ATIC: variants seen among roughly 807,000 people sequenced by gnomAD.
ATIC encodes bifunctional purine biosynthesis protein ATIC.
Under a neutral mutation model 72.5 loss-of-function variants are expected in ATIC, and 64 were observed. That is an observed-to-expected ratio of 0.88 (90% CI 0.72 to 1.09). The LOEUF is 1.09. Ranked by LOEUF, ATIC falls within the 50% of genes least tolerant of loss-of-function variation. The pLI, the probability that ATIC is intolerant of heterozygous loss-of-function variation, is 0.00. For missense variants in ATIC, 787 were observed against 732.4 expected (o/e 1.07, Z -0.86); for synonymous variants, 281 against 267.1 (o/e 1.05, Z -0.51).
downstream of ATIC, among the ~76,000 whole-genome samples, chr2:215,354,123 G>A (rs1165113552): frequency 6.6e-6 from 1 of 152,046 alleles, no homozygotes; most frequent in Non-Finnish European, 1.5e-5. Context: ...TGCCTCCATG[G>A]TTCAAGCGAT....
the ATIC span, chr2:215,364,441 C>G: frequency 1.5e-5 from 4 of 265,184 alleles, no homozygotes; most frequent in African/African-American, 8.8e-5. Context: ...GGGAGGGTCT[C>G]AGGCTGCCCA....
At position 215,333,425 on chromosome 2, in the gene ATIC, C is replaced by G. The variant is rs1433280290; in HGVS notation, c.890C>G (p.Thr297Arg). 1 of 1,614,102 alleles carries G rather than the reference C, an allele frequency of 6.2e-7. No homozygotes were observed. Among genetic ancestry groups the G allele is most frequent in the East Asian group, 2.2e-5 (1 of 44,874 alleles). ...CMVYDLYKTL[T>R]PISAAYARAR... ...GTTTATGATCTCTATAAAACCCTCA[C>G]ACCCATCTCAGCGGCATATGCAAGA... is the stretch of plus-strand genomic sequence containing the variant. The change falls in exon 9 of 16, where the codon ACA (threonine) becomes AGA (arginine). Residue 297 changes from threonine (T) to arginine (R), a missense_variant. Coordinates refer to ENST00000236959, the MANE Select transcript of ATIC (RefSeq NM_004044.7).
chr2:215,326,266 G>A, intron 6 of ATIC, 128 bp downstream of exon 6: 2 of 1,216,118 alleles, frequency 1.6e-6, no homozygotes, highest in East Asian at 2.4e-5. Context: ...CTATCCTTTT[G>A]TTAAAAATGG....
chr2:215,329,504 T>A (rs890454554), intron 7 of ATIC, among the ~76,000 whole-genome samples: 1 of 152,182 alleles, frequency 6.6e-6, no homozygotes, highest in Admixed American at 6.5e-5. Context: ...TCATGTGGTT[T>A]GAGTATTTGG....
intron 12 of ATIC, among the ~76,000 whole-genome samples, chr2:215,343,528 G>C (rs1229613218): frequency 1.3e-5 from 2 of 152,122 alleles, no homozygotes; most frequent in African/African-American, 2.4e-5. Flanking sequence ...GTAGAGATGG[G>C]GTTCACCATG....
At chr2:215,353,485 C>T (rs1237755131), downstream of ATIC, among the ~76,000 whole-genome samples, 1 of 152,148 alleles carries the variant, frequency 6.6e-6, no homozygotes, top group African/African-American at 2.4e-5. Context: ...CCAGTTTCTC[C>T]TCTTGTGTTA....
At chr2:215,360,891 G>GTTGTC in the ATIC span, 1 of 152,600 alleles carries the variant, frequency 6.6e-6, no homozygotes, top group African/African-American at 2.4e-5. Context: ...TATTAAAACA[G>GTTGTC]TTGTCTTTCC....
chr2:215,343,076 CT>C (rs1234836567), intron 12 of ATIC, among the ~76,000 whole-genome samples: 1 of 151,850 alleles, frequency 6.6e-6, no homozygotes, highest in African/African-American at 2.4e-5. Flanking sequence ...TCCAGAGTGG[CT>C]TGTACCATTT....
rs2053105755 is a variant in ATIC at position 215,349,217 on chromosome 2, C to T, written c.1627C>T (p.Pro543Ser). The T allele has an allele frequency of 1.2e-6, 2 of 1,614,046 alleles. No individual in the cohort carries two copies. The highest frequency in any genetic ancestry group is 1.3e-5 in the African/African-American group (1 of 75,010). Residue 543 changes from proline to serine, a missense_variant, in exon 15 of 16, where the codon CCT becomes TCT. Coordinates refer to ENST00000236959, the MANE Select transcript of ATIC (RefSeq NM_004044.7). ...TTCTATCAGCTCTGATGCCTTCTTC[C>T]CTTTCCGAGATAACGTAGACAGAGC... Reference protein sequence around the residue: ...EVSISSDAFFPFRDNVDRAKR... With the variant: ...EVSISSDAFFSFRDNVDRAKR...
At chr2:215,325,415 G>A in intron 5 of ATIC, 86 bp downstream of exon 5, 2 of 1,012,058 alleles carry the variant, frequency 2.0e-6, no homozygotes, top group Non-Finnish European at 3.1e-6. Context: ...TTATTACTGA[G>A]GAAATAGAAA....
intron 14 of ATIC, among the ~76,000 whole-genome samples, chr2:215,348,380 C>T (rs1005248001): frequency 6.6e-6 from 1 of 151,950 alleles, no homozygotes; most frequent in Non-Finnish European, 1.5e-5. Flanking sequence ...ACAGTAGTAC[C>T]AAAGCAGTAG....
intron 4 of ATIC, among the ~76,000 whole-genome samples, chr2:215,320,986 C>T (rs2052760780): frequency 2.0e-5 from 3 of 152,190 alleles, no homozygotes; most frequent in Non-Finnish European, 2.9e-5. Flanking sequence ...ACCCAATCAT[C>T]TCCCACCAGG....
chr2:215,339,471 G>T (rs182556893), intron 12 of ATIC, among the ~76,000 whole-genome samples: 196 of 152,248 alleles, frequency 1.3e-3, no homozygotes, highest in African/African-American at 4.5e-3. Context: ...AGCCGTGTTT[G>T]TGCCACTGCA....
intron 14 of ATIC, among the ~76,000 whole-genome samples, chr2:215,348,247 C>G (rs1454824942): frequency 6.6e-6 from 1 of 152,170 alleles, no homozygotes; most frequent in Non-Finnish European, 1.5e-5. Context: ...CTACAACTGC[C>G]TTTACATTTA....
At chr2:215,329,178 T>G (rs1248904166) in intron 7 of ATIC, among the ~76,000 whole-genome samples, 1 of 152,230 alleles carries the variant, frequency 6.6e-6, no homozygotes. Flanking sequence ...TTCTTGAAAC[T>G]GATTTGTCTG....
chr2:215,315,795 A>T (rs1301250657), intron 2 of ATIC, among the ~76,000 whole-genome samples: 1 of 151,930 alleles, frequency 6.6e-6, no homozygotes, highest in Non-Finnish European at 1.5e-5. Flanking sequence ...TGCTAAAAAT[A>T]CAAAAAAGAA....
rs2052661924 is a variant in ATIC, at chr2:215,312,337, C to T, written c.20-161C>T. On this transcript the variant is annotated intron_variant, in intron 1 of 15. Coordinates refer to ENST00000236959, the MANE Select transcript of ATIC (RefSeq NM_004044.7). ...GCGTGGGGCCCGCCTTAGAGCAGCT[C>T]GCGGGTGTAAGACCTGGGGAGGCCC... 4 of 1,495,138 alleles carry T rather than the reference C, an allele frequency of 2.7e-6. No homozygotes were observed. The African/African-American group carries it at 4.2e-5, about 16-fold the overall frequency. The allele number at this position is 1,495,138 out of a possible 1,614,324, so 92.6% of individuals were successfully genotyped here. A position where few individuals can be genotyped will look rare whatever the true frequency, so the allele number is the denominator to read the frequency against.
At chr2:215,345,138 T>C (rs572129228) in intron 13 of ATIC, 117 of 491,572 alleles carry the variant, frequency 2.4e-4, no homozygotes, top group South Asian at 2.4e-3. Context: ...GAGACTCTAA[T>C]AGCTGTTACA....
chr2:215,326,376 G>A (rs1166202830), intron 6 of ATIC, among the ~76,000 whole-genome samples: 3 of 152,064 alleles, frequency 2.0e-5, no homozygotes, highest in African/African-American at 2.4e-5. Context: ...AGGCCGAGGC[G>A]GGCGGATCAC....
Sources: gnomAD v4.1 joint callset for allele counts (sites outside exome capture counted in the v4.1 genomes callset) on GRCh38, gnomAD v4.1.1 for gene constraint, MANE v1.5 for transcripts, NCBI Gene and HGNC (gene_info 2026-07-23, HGNC 2026-07-21) for gene names.